The following CHD9 variants were observed in gnomAD, a reference collection of about 807,000 sequenced individuals.
CHD9 encodes chromodomain helicase DNA binding protein 9.
A neutral mutation model predicts 316.1 loss-of-function variants in CHD9; 77 were observed. That is an observed-to-expected ratio of 0.24 (90% CI 0.20 to 0.29). The LOEUF (loss-of-function observed/expected upper bound fraction) is 0.29, where lower values mean the gene tolerates loss of function less well. Among genes scored for constraint, CHD9 ranks in the 10% least tolerant of loss-of-function variants. The pLI is 1.00. For missense variants in CHD9, 2,763 were observed against 3,438.1 expected (o/e 0.80, Z 4.91); for synonymous variants, 1,129 against 1,158.3 (o/e 0.97, Z 0.51).
At chr16:53,116,821 A>G (rs1043195469) in intron 1 of CHD9, among the ~76,000 whole-genome samples, 47 of 152,226 alleles carry the variant, frequency 3.1e-4, no homozygotes, top group African/African-American at 1.1e-3. Context: ...CATGGAATCA[A>G]CGAAAATGCC....
chr16:53,074,434 C>T (rs538794231), intron 1 of CHD9, among the ~76,000 whole-genome samples: 2 of 152,294 alleles, frequency 1.3e-5, no homozygotes, highest in East Asian at 3.9e-4. Flanking sequence ...GAATGTTAAT[C>T]CCCAGGACAA....
intron 36 of CHD9, among the ~76,000 whole-genome samples, chr16:53,316,716 G>A (rs1413794433): frequency 6.6e-6 from 1 of 152,048 alleles, no homozygotes; most frequent in African/African-American, 2.4e-5. Flanking sequence ...ATAACATGGT[G>A]GAGAGTATAC....
chr16:53,214,770 T>C (rs1468238441), intron 3 of CHD9, among the ~76,000 whole-genome samples: 1 of 152,188 alleles, frequency 6.6e-6, no homozygotes, highest in African/African-American at 2.4e-5. Context: ...TTTTATTGAA[T>C]CTAAAGTGTC....
chr16:53,258,080 G>A (rs1417023967), intron 19 of CHD9, among the ~76,000 whole-genome samples: 2 of 152,130 alleles, frequency 1.3e-5, no homozygotes, highest in Non-Finnish European at 2.9e-5. Flanking sequence ...ATGAGCACAT[G>A]TGATTCTTGG....
intron 2 of CHD9, among the ~76,000 whole-genome samples, chr16:53,164,004 C>T (rs531665938): frequency 6.6e-5 from 10 of 152,278 alleles, no homozygotes; most frequent in African/African-American, 2.2e-4. Context: ...CCCCAAGTCA[C>T]ACAGCCAGTA....
chr16:53,308,823 C>T lies in CHD9; in HGVS notation c.7191C>T (p.Leu2397=), dbSNP rs1348903416. The T allele has an allele frequency of 1.5e-5, 25 of 1,613,572 alleles. No individual in the cohort carries two copies. Among genetic ancestry groups the T allele is most frequent in the East Asian group, 1.3e-4 (6 of 44,860 alleles). ...TTCAAAGTGCATCAGAGACCAGCCTCGTCAATTTCCCAAAATCCATACCAG... is the reference window on the plus strand; with the variant it reads ...TTCAAAGTGCATCAGAGACCAGCCTTGTCAATTTCCCAAAATCCATACCAG... The part of the protein sequence containing the change: ...RELQSASETS[L]VNFPKSIPVS... Residue 2397 remains leucine, a synonymous_variant, in exon 34 of 39, where the codon CTC becomes CTT. Coordinates refer to ENST00000447540, the MANE Select transcript of CHD9 (RefSeq NM_001308319.2).
chr16:53,140,462 G>A (rs1359681763), intron 1 of CHD9, among the ~76,000 whole-genome samples: 1 of 151,844 alleles, frequency 6.6e-6, no homozygotes, highest in Non-Finnish European at 1.5e-5. Context: ...TTGTTTGGGT[G>A]TAATGTTCAG....
intron 1 of CHD9, among the ~76,000 whole-genome samples, chr16:53,082,561 G>A (rs1020216609): frequency 3.3e-5 from 5 of 152,116 alleles, no homozygotes; most frequent in African/African-American, 7.2e-5. Context: ...GCTTTTAACC[G>A]ATTGGTTTAA....
At chr16:53,112,562 G>A (rs1316245077) in intron 1 of CHD9, among the ~76,000 whole-genome samples, 2 of 152,170 alleles carry the variant, frequency 1.3e-5, no homozygotes, top group African/African-American at 4.8e-5. Flanking sequence ...TTTTTGTTTA[G>A]CACTTTGCAG....
chr16:53,225,513 CTT>C (rs1597509349), intron 4 of CHD9, among the ~76,000 whole-genome samples: 1 of 151,982 alleles, frequency 6.6e-6, no homozygotes, highest in African/African-American at 2.4e-5. Flanking sequence ...AAATATAAAA[CTT>C]TTGAAACAAA....
intron 10 of CHD9, among the ~76,000 whole-genome samples, chr16:53,233,531 C>CTT (rs1485837967): frequency 6.6e-6 from 1 of 152,122 alleles, no homozygotes; most frequent in Non-Finnish European, 1.5e-5. Context: ...TTTATGGAGT[C>CTT]TTCACTATGT....
chr16:53,179,034 T>A (rs536859772), intron 2 of CHD9, among the ~76,000 whole-genome samples: 2 of 151,792 alleles, frequency 1.3e-5, no homozygotes, highest in East Asian at 1.9e-4. Context: ...AAAAAAAAAA[T>A]TAAAAACGAA....
chr16:53,297,218 G>A (rs551654552), intron 30 of CHD9, 60 bp downstream of exon 30: 31 of 1,256,184 alleles, frequency 2.5e-5, no homozygotes, highest in South Asian at 6.4e-5. Context: ...ACTAAAATTC[G>A]GAAATTTCCA....
intron 15 of CHD9, among the ~76,000 whole-genome samples, 162 bp from the exon 16 acceptor site, chr16:53,247,131 G>A (rs2049704862): frequency 6.6e-6 from 1 of 152,174 alleles, no homozygotes; most frequent in Non-Finnish European, 1.5e-5. Flanking sequence ...ATTGGTGGAG[G>A]TTCAGCAACA....
intron 2 of CHD9, among the ~76,000 whole-genome samples, chr16:53,197,984 T>C (rs1028924612): frequency 6.6e-5 from 10 of 151,910 alleles, no homozygotes; most frequent in Admixed American, 6.6e-4. Flanking sequence ...TTTGAACTCT[T>C]TCTGTGATTG....
chr16:53,187,046 C>T (rs1375451938), intron 2 of CHD9, among the ~76,000 whole-genome samples: 4 of 152,070 alleles, frequency 2.6e-5, no homozygotes, highest in Non-Finnish European at 4.4e-5. Flanking sequence ...CCAGATTAAA[C>T]GAGTTTTGAA....
At chr16:53,301,820 C>T (rs2055461840) in intron 30 of CHD9, among the ~76,000 whole-genome samples, 1 of 143,490 alleles carries the variant, frequency 7.0e-6, no homozygotes, top group East Asian at 2.0e-4. Context: ...GGCTGGTATG[C>T]AGTGGCGTGA....
chr16:53,321,186 G>T, intron 37 of CHD9: 1 of 1,273,368 alleles, frequency 7.9e-7, no homozygotes, highest in Non-Finnish European at 1.0e-6. Context: ...GGCTGAAAGA[G>T]ATTTACTGAT....
chr16:53,060,255 G>C (rs2032702258), intron 1 of CHD9, among the ~76,000 whole-genome samples: 1 of 152,060 alleles, frequency 6.6e-6, no homozygotes, highest in Admixed American at 6.6e-5. Context: ...CAGTAGGCTG[G>C]ATGTGGCCTG....
Sources: gnomAD v4.1 joint callset for allele counts (sites outside exome capture counted in the v4.1 genomes callset) on GRCh38, gnomAD v4.1.1 for gene constraint, MANE v1.5 for transcripts, NCBI Gene and HGNC (gene_info 2026-07-23, HGNC 2026-07-21) for gene names.